Variants in PRKCH observed in about 807,000 individuals in gnomAD.
The protein encoded by PRKCH is protein kinase C eta.
In PRKCH, 28 loss-of-function variants were observed where a neutral mutation model predicts 82.5. The observed-to-expected ratio is 0.34, with a 90% CI of 0.25 to 0.47. PRKCH has a LOEUF of 0.47. Ranked by LOEUF, PRKCH falls within the 20% of genes least tolerant of loss-of-function variation. PRKCH has a pLI of 1.00. For synonymous variants in PRKCH, 322 were observed against 327.4 expected, an observed-to-expected ratio of 0.98 and a Z score of 0.18; for missense variants, 705 against 881.8, an observed-to-expected ratio of 0.80 and a Z score of 2.54.
At chr14:61,419,805 A>G (rs1255485182) in intron 2 of PRKCH, among the ~76,000 whole-genome samples, 1 of 152,210 alleles carries the variant, frequency 6.6e-6, no homozygotes, top group Non-Finnish European at 1.5e-5. Flanking sequence ...CATGTACACT[A>G]AATATTTCTG....
At chr14:61,531,901 G>A (rs2043047856) in intron 12 of PRKCH, among the ~76,000 whole-genome samples, 1 of 152,196 alleles carries the variant, frequency 6.6e-6, no homozygotes, top group Non-Finnish European at 1.5e-5. Context: ...AGAAGGGCCT[G>A]TCTTCGTGGA....
At chr14:61,457,867 CCCCTT>C (rs1181713317) in intron 9 of PRKCH, among the ~76,000 whole-genome samples, 188 bp downstream of exon 9, 2 of 152,216 alleles carry the variant, frequency 1.3e-5, no homozygotes, top group African/African-American at 4.8e-5. Context: ...TATGAATTCA[CCCCTT>C]CCCCTTGTGC....
chr14:61,268,890 A>G (rs989810793), intron 1 of PRKCH, among the ~76,000 whole-genome samples: 2 of 152,236 alleles, frequency 1.3e-5, no homozygotes, highest in Non-Finnish European at 2.9e-5. Context: ...TTGTAAGTGT[A>G]TCAGTCAGTC....
chr14:61,238,982 CAT>C (rs2044812974), intron 1 of PRKCH, among the ~76,000 whole-genome samples: 1 of 152,294 alleles, frequency 6.6e-6, no homozygotes, highest in East Asian at 1.9e-4. Flanking sequence ...ACATGGCTTG[CAT>C]ATGAAGCATA....
At chr14:61,320,493 G>A (rs1047331574), upstream of PRKCH, among the ~76,000 whole-genome samples, 1 of 152,208 alleles carries the variant, frequency 6.6e-6, no homozygotes, top group African/African-American at 2.4e-5. Flanking sequence ...CAGCTACTCG[G>A]GAGGCTGGGG....
chr14:61,319,276 T>C (rs148513879), upstream of PRKCH, among the ~76,000 whole-genome samples: 33 of 152,298 alleles, frequency 2.2e-4, no homozygotes, highest in East Asian at 6.4e-3. Context: ...CTCTCTGCTA[T>C]TTGCTTTTTC....
chr14:61,335,874 T>C (rs896593564), intron 1 of PRKCH, among the ~76,000 whole-genome samples: 1 of 152,210 alleles, frequency 6.6e-6, no homozygotes, highest in African/African-American at 2.4e-5. Flanking sequence ...TTGAGGAGTA[T>C]TTATTGGACA....
At chr14:61,330,890 G>A (rs1169619805) in intron 1 of PRKCH, among the ~76,000 whole-genome samples, 1 of 152,210 alleles carries the variant, frequency 6.6e-6, no homozygotes, top group South Asian at 2.1e-4. Flanking sequence ...CCTGGGCCAC[G>A]TTGGAAGAAG....
chr14:61,254,103 G>C (rs10147060), intron 1 of PRKCH, among the ~76,000 whole-genome samples: 76,787 of 150,260 alleles, frequency 0.51, 21,451 homozygotes, highest in Non-Finnish European at 0.62. Context: ...AGTATAAAAA[G>C]CTGAAAAAGT....
intron 1 of PRKCH, among the ~76,000 whole-genome samples, chr14:61,384,435 G>A (rs1417956277): frequency 6.6e-6 from 1 of 150,784 alleles, no homozygotes; most frequent in Admixed American, 6.6e-5. Flanking sequence ...TCACCTGTGG[G>A]GTCTGGGAAT....
chr14:61,282,744 T>A (rs114991451), intron 1 of PRKCH, among the ~76,000 whole-genome samples: 2,738 of 152,276 alleles, frequency 0.018, 81 homozygotes, highest in African/African-American at 0.061. Flanking sequence ...GAACATTGAT[T>A]CCAGTTTGTT....
intron 2 of PRKCH, among the ~76,000 whole-genome samples, chr14:61,440,816 A>AT (rs1274966604): frequency 6.6e-6 from 1 of 152,140 alleles, no homozygotes; most frequent in Non-Finnish European, 1.5e-5. Context: ...GGAGGTTGCA[A>AT]TGAGCTGAGA....
intron 10 of PRKCH, among the ~76,000 whole-genome samples, chr14:61,523,361 G>A (rs2042928764): frequency 2.0e-5 from 3 of 152,212 alleles, no homozygotes; most frequent in Admixed American, 2.0e-4. Context: ...GATTCCCTCA[G>A]GTGGTTCTTG....
In PRKCH at chr14:61,443,084, CT is replaced by C. The variant is rs772821353; in HGVS notation, c.428-20del. Reference sequence around the variant, plus strand: ...TGCGTTAGGTTCCTTACATCTTATTCTTTTTTTCCTTCCTTTTAATATATAG... The same window carrying C: ...TGCGTTAGGTTCCTTACATCTTATTCTTTTTTCCTTCCTTTTAATATATAG... On this transcript the variant is annotated intron_variant, in intron 2 of 13. Coordinates refer to ENST00000332981, the MANE Select transcript of PRKCH (RefSeq NM_006255.5). The C allele has an allele frequency of 3.1e-6, 5 of 1,603,100 alleles. No homozygotes were observed. In the African/African-American group the frequency reaches 4.0e-5, roughly 13 times the overall value.
At chr14:61,527,676 G>T (rs1054223786) in intron 10 of PRKCH, among the ~76,000 whole-genome samples, 5 of 152,168 alleles carry the variant, frequency 3.3e-5, no homozygotes, top group South Asian at 2.1e-4. Flanking sequence ...ATTCCTTCGT[G>T]TGACATTCAG....
intron 1 of PRKCH, among the ~76,000 whole-genome samples, chr14:61,352,437 T>A (rs2046089574): frequency 6.6e-6 from 1 of 151,840 alleles, no homozygotes; most frequent in Non-Finnish European, 1.5e-5. Flanking sequence ...CCGAGGCAGA[T>A]GGATCATTTG....
At chr14:61,472,689 G>T (rs1244301442) in intron 9 of PRKCH, among the ~76,000 whole-genome samples, 2 of 152,034 alleles carry the variant, frequency 1.3e-5, no homozygotes, top group African/African-American at 4.8e-5. Context: ...TGAGACTCCT[G>T]TCTCAATTTT....
At chr14:61,490,832 C>G (rs1170202861) in intron 10 of PRKCH, among the ~76,000 whole-genome samples, 1 of 152,124 alleles carries the variant, frequency 6.6e-6, no homozygotes, top group Non-Finnish European at 1.5e-5. Flanking sequence ...ATGGGAGGAT[C>G]ACTTGAGCAC....
intron 1 of PRKCH, among the ~76,000 whole-genome samples, chr14:61,254,038 C>G (rs1048336573): frequency 1.4e-4 from 17 of 121,822 alleles, no homozygotes; most frequent in Non-Finnish European, 2.7e-4. Context: ...TTTCTTCTTT[C>G]AACAAATATT....
Sources: gnomAD v4.1 joint callset for allele counts (sites outside exome capture counted in the v4.1 genomes callset) on GRCh38, gnomAD v4.1.1 for gene constraint, MANE v1.5 for transcripts, NCBI Gene and HGNC (gene_info 2026-07-23, HGNC 2026-07-21) for gene names.